NEBL: variants seen among roughly 807,000 people sequenced by gnomAD.
NEBL encodes the protein nebulette.
A neutral mutation model predicts 140.2 loss-of-function variants in NEBL; 122 were observed. The observed-to-expected ratio is 0.87, with a 90% CI of 0.75 to 1.01. NEBL has a LOEUF of 1.01. Ranked by LOEUF, NEBL falls within the 50% of genes least tolerant of loss-of-function variation. The pLI is 0.00. For synonymous variants in NEBL, 436 were observed against 398.9 expected, an observed-to-expected ratio of 1.09 and a Z score of -1.11; for missense variants, 1,365 against 1,231.3, an observed-to-expected ratio of 1.11 and a Z score of -1.62.
intron 3 of NEBL, among the ~76,000 whole-genome samples, chr10:21,220,663 TA>T (rs145370757): frequency 0.031 from 4,652 of 152,156 alleles, 95 homozygotes; most frequent in African/African-American, 0.04. Flanking sequence ...TGCATCAAAC[TA>T]AAAAGGTTCT....
At chr10:20,927,745 G>T (rs1833982350) in intron 4 of NEBL, among the ~76,000 whole-genome samples, 1 of 152,162 alleles carries the variant, frequency 6.6e-6, no homozygotes, top group African/African-American at 2.4e-5. Flanking sequence ...GACAGCCAGG[G>T]TTCAAATCCC....
intron 2 of NEBL, among the ~76,000 whole-genome samples, chr10:21,094,842 A>G (rs1837106548): frequency 6.6e-6 from 1 of 152,208 alleles, no homozygotes; most frequent in Admixed American, 6.5e-5. Context: ...AGATTCAGCA[A>G]TTGGAAGAAT....
At chr10:20,950,646 C>T (rs558935683) in intron 4 of NEBL, among the ~76,000 whole-genome samples, 7 of 152,272 alleles carry the variant, frequency 4.6e-5, no homozygotes, top group African/African-American at 1.7e-4. Context: ...TGTCAGGTAA[C>T]TGTGAAGGTA....
chr10:20,829,417 C>T (rs926610815), intron 16 of NEBL, among the ~76,000 whole-genome samples: 2 of 139,892 alleles, frequency 1.4e-5, no homozygotes, highest in African/African-American at 5.5e-5. Flanking sequence ...AGGGGAACAT[C>T]ACACTCTGGG....
chr10:21,262,911 T>A (rs1016445146), intron 1 of NEBL, among the ~76,000 whole-genome samples: 2 of 152,202 alleles, frequency 1.3e-5, no homozygotes, highest in Non-Finnish European at 2.9e-5. Context: ...CAGGAGATTA[T>A]ACAAACGCAA....
At chr10:21,051,179 A>G (rs982184464) in intron 2 of NEBL, among the ~76,000 whole-genome samples, 2 of 152,178 alleles carry the variant, frequency 1.3e-5, no homozygotes, top group Admixed American at 1.3e-4. Flanking sequence ...ACCACATCAT[A>G]CCCCTTACAC....
At chr10:20,788,235 G>A (rs60063476) in intron 26 of NEBL, among the ~76,000 whole-genome samples, 6,683 of 152,166 alleles carry the variant, frequency 0.044, 466 homozygotes, top group African/African-American at 0.15. Flanking sequence ...TTTTCGTAGC[G>A]TGCCCTTCAT....
At chr10:20,868,113 G>A (rs1844508081) in intron 7 of NEBL, 1 of 146,614 alleles carries the variant, frequency 6.8e-6, no homozygotes, top group South Asian at 2.1e-4. Context: ...ATATAATTCT[G>A]AAAGAACTGA....
chr10:20,813,967 A>G lies in NEBL; in HGVS notation c.2318T>C (p.Val773Ala). 6.2e-7 allele frequency: 1 copy of G among 1,606,844 alleles called. No individual in the cohort carries two copies. Among genetic ancestry groups the G allele is most frequent in the Non-Finnish European group, 8.5e-7 (1 of 1,173,438 alleles). Residue 773 changes from valine to alanine, a missense_variant, in exon 23 of 28, where the codon GTT becomes GCT. By Grantham distance (64) the Val-to-Ala change is moderately conservative. This residue lies in a region of NEBL where 1,323 missense variants were observed against 1,154.8 expected (regional missense o/e 1.15). Coordinates refer to ENST00000377122, the MANE Select transcript of NEBL (RefSeq NM_006393.3). Reference sequence around the variant, plus strand: ...TGAAATATGATTTTGTGCTTCTTTAACATGTCTCATAGCAGGTGTATCTAA... The same window carrying G: ...TGAAATATGATTTTGTGCTTCTTTAGCATGTCTCATAGCAGGTGTATCTAA... ...LILDTPAMRHVKEAQNHISMV... is the reference protein window; with the variant it reads ...LILDTPAMRHAKEAQNHISMV...
At chr10:21,120,252 A>C (rs924781700) in intron 2 of NEBL, among the ~76,000 whole-genome samples, 2 of 151,048 alleles carry the variant, frequency 1.3e-5, no homozygotes, top group Admixed American at 6.6e-5. Context: ...GCATGTGCCT[A>C]TATCCCCAGC....
chr10:21,031,953 A>G (rs987929941), intron 2 of NEBL, among the ~76,000 whole-genome samples: 4 of 152,268 alleles, frequency 2.6e-5, no homozygotes, highest in Non-Finnish European at 5.9e-5. Context: ...TGAGATAACA[A>G]GAAAAACAGA....
intron 2 of NEBL, among the ~76,000 whole-genome samples, chr10:21,096,164 G>C (rs745782837): frequency 2.0e-5 from 3 of 152,138 alleles, no homozygotes; most frequent in Non-Finnish European, 2.9e-5. Flanking sequence ...AGTGGAAAAA[G>C]CATACATGGA....
intron 3 of NEBL, among the ~76,000 whole-genome samples, chr10:21,232,939 A>G (rs1229540499): frequency 1.3e-5 from 2 of 152,250 alleles, no homozygotes; most frequent in African/African-American, 4.8e-5. Context: ...AGAAAAAGTG[A>G]AAAGTAGTCA....
intron 2 of NEBL, chr10:21,146,413 ACTCT>A (rs750582275): frequency 2.8e-6 from 3 of 1,056,700 alleles, no homozygotes; most frequent in Admixed American, 2.3e-5. Context: ...AAGCACAAAC[ACTCT>A]CTCTCATATA....
At chr10:20,838,632 C>A (rs1272820083) in intron 13 of NEBL, among the ~76,000 whole-genome samples, 4 of 152,130 alleles carry the variant, frequency 2.6e-5, no homozygotes, top group Non-Finnish European at 4.4e-5. Flanking sequence ...AATATATCAA[C>A]AACATCACAT....
intron 2 of NEBL, among the ~76,000 whole-genome samples, chr10:21,163,206 T>A (rs1840627211): frequency 6.6e-6 from 1 of 152,014 alleles, no homozygotes; most frequent in South Asian, 2.1e-4. Context: ...AGAAACCCAG[T>A]TTTTTTTCCT....
At chr10:20,907,107 T>C (rs1241682138) in intron 4 of NEBL, among the ~76,000 whole-genome samples, 1 of 152,038 alleles carries the variant, frequency 6.6e-6, no homozygotes, top group Non-Finnish European at 1.5e-5. Flanking sequence ...CTGGAAATAA[T>C]TGGCTATTTT....
chr10:20,836,565 A>AG, intron 13 of NEBL, among the ~76,000 whole-genome samples: 1 of 152,160 alleles, frequency 6.6e-6, no homozygotes, highest in East Asian at 1.9e-4. Context: ...GACAGATAGG[A>AG]GGGGGTCACT....
At chr10:20,899,023 T>G (rs788975), upstream of NEBL, among the ~76,000 whole-genome samples, 1 of 152,084 alleles carries the variant, frequency 6.6e-6, no homozygotes, top group Admixed American at 6.5e-5. Flanking sequence ...CATGCTGAAC[T>G]TGGAAACCAC....
Sources: allele counts gnomAD v4.1 joint callset (sites outside exome capture counted in the v4.1 genomes callset), GRCh38; gene constraint gnomAD v4.1.1; regional missense constraint gnomAD v4.1.1; transcripts MANE v1.5; gene names NCBI Gene and HGNC (gene_info 2026-07-23, HGNC 2026-07-21).